The following CAST variants were observed in gnomAD, a reference collection of about 807,000 sequenced individuals.
CAST encodes the protein calpastatin.
CAST carries 76 observed loss-of-function variants against 119.6 expected under a neutral mutation model. That is an observed-to-expected ratio of 0.64 (90% CI 0.53 to 0.77). The LOEUF is 0.77. Ranked by LOEUF, CAST falls within the 30% of genes least tolerant of loss-of-function variation. The probability of loss-of-function intolerance (pLI) is 0.00; values close to 1 mark genes in which losing one functional copy is unlikely to be tolerated. For missense variants in CAST, 953 were observed against 946.5 expected, an observed-to-expected ratio of 1.01 and a Z score of -0.09; for synonymous variants, 319 against 331.6, an observed-to-expected ratio of 0.96 and a Z score of 0.41.
At chr5:96,614,414 C>T (rs908717785) in intron 1 of CAST, among the ~76,000 whole-genome samples, 3 of 152,176 alleles carry the variant, frequency 2.0e-5, no homozygotes, top group South Asian at 2.1e-4. Context: ...GACATGCCCA[C>T]GAGCTTCTCC....
chr5:96,248,280 G>A, the CAST span, among the ~76,000 whole-genome samples: 20 of 152,178 alleles, frequency 1.3e-4, no homozygotes, highest in Non-Finnish European at 2.1e-4. Flanking sequence ...TGTAAAGAGA[G>A]GGAAATCTCT....
the CAST span, among the ~76,000 whole-genome samples, chr5:96,192,938 C>G: frequency 1.0e-5 from 1 of 96,304 alleles, no homozygotes; most frequent in African/African-American, 4.2e-5. Context: ...TCGTAAGCCA[C>G]TGAGATTTTT....
In CAST at chr5:96,631,693, C is replaced by T. The variant is rs576419141; in HGVS notation, c.61-43846C>T. 3.7e-4 allele frequency among the ~76,000 whole-genome samples: 56 copies of T among 150,980 alleles called. 1 individual carries two copies. In the South Asian group the frequency reaches 6.8e-3, roughly 18 times the overall value. On this transcript the variant is annotated intron_variant, in intron 1 of 11. Transcript: ENST00000505143. The stretch of plus-strand genomic sequence containing the variant: ...GACCACAGGCGCCCGCCACCACGCC[C>T]GGATAATTTTTTGTATTTTTAGTAG...
At chr5:96,240,906 A>T in the CAST span, among the ~76,000 whole-genome samples, 4 of 152,218 alleles carry the variant, frequency 2.6e-5, no homozygotes, top group East Asian at 3.9e-4. Flanking sequence ...AAGGAAATGG[A>T]TAAAGTATAC....
chr5:96,058,635 C>T, the CAST span, among the ~76,000 whole-genome samples: 1 of 151,376 alleles, frequency 6.6e-6, no homozygotes, highest in Non-Finnish European at 1.5e-5. Flanking sequence ...AAGTAGCCAT[C>T]CAATGGTTAA....
the CAST span, among the ~76,000 whole-genome samples, chr5:96,106,255 C>T: frequency 6.6e-6 from 1 of 151,834 alleles, no homozygotes; most frequent in African/African-American, 2.4e-5. Context: ...TATTTCTTGC[C>T]TTCTGCTAGC....
At chr5:96,363,850 C>T in the CAST span, among the ~76,000 whole-genome samples, 3 of 152,114 alleles carry the variant, frequency 2.0e-5, no homozygotes, top group African/African-American at 7.2e-5. Flanking sequence ...ATTGCCCTGG[C>T]CAGAACTTCC....
the CAST span, among the ~76,000 whole-genome samples, chr5:96,314,751 G>A: frequency 6.6e-6 from 1 of 152,112 alleles, no homozygotes; most frequent in Non-Finnish European, 1.5e-5. Context: ...GTTGCTCTGT[G>A]ATAACCTGTT....
the CAST span, among the ~76,000 whole-genome samples, chr5:96,283,725 A>G: frequency 6.6e-6 from 1 of 152,214 alleles, no homozygotes; most frequent in African/African-American, 2.4e-5. Context: ...GTGGACCGGC[A>G]GAGCCCAGAA....
chr5:96,532,310 T>C (rs1484682764), intron 1 of CAST, among the ~76,000 whole-genome samples: 1 of 152,254 alleles, frequency 6.6e-6, no homozygotes, highest in Admixed American at 6.5e-5. Context: ...TGTCTTTGTT[T>C]GCACAAGATG....
chr5:96,613,266 GAT>G (rs1353537513), intron 1 of CAST, among the ~76,000 whole-genome samples: 9 of 152,198 alleles, frequency 5.9e-5, no homozygotes, highest in Non-Finnish European at 1.3e-4. Flanking sequence ...CATTAGAATA[GAT>G]GGATTTGAAG....
At chr5:96,642,934 T>C (rs915595413) in intron 1 of CAST, among the ~76,000 whole-genome samples, 1 of 152,168 alleles carries the variant, frequency 6.6e-6, no homozygotes, top group African/African-American at 2.4e-5. Context: ...AACACCCTTA[T>C]GAGGTAGGAA....
intron 1 of CAST, among the ~76,000 whole-genome samples, chr5:96,617,625 T>TA (rs772387369): frequency 8.9e-4 from 134 of 150,486 alleles, no homozygotes; most frequent in South Asian, 1.9e-3. Flanking sequence ...CCGTCTCTAC[T>TA]AAAAATACAA....
the CAST span, among the ~76,000 whole-genome samples, chr5:96,341,206 A>G: frequency 3.3e-5 from 5 of 152,098 alleles, no homozygotes; most frequent in African/African-American, 1.2e-4. Flanking sequence ...GTGTCTTCTT[A>G]TTTGTCCCCT....
chr5:96,042,086 A>G, the CAST span, among the ~76,000 whole-genome samples: 2 of 152,118 alleles, frequency 1.3e-5, no homozygotes, highest in African/African-American at 4.8e-5. Flanking sequence ...CTCTTATTTT[A>G]CCATCAGGAG....
chr5:96,077,679 C>A, the CAST span, among the ~76,000 whole-genome samples: 2 of 152,084 alleles, frequency 1.3e-5, no homozygotes, highest in Admixed American at 6.6e-5. Context: ...TTCCTTCTCC[C>A]TTTCCTGCTT....
At chr5:96,721,272 A>T (rs1472610281) in intron 3 of CAST, among the ~76,000 whole-genome samples, 1 of 152,068 alleles carries the variant, frequency 6.6e-6, no homozygotes, top group Non-Finnish European at 1.5e-5. Flanking sequence ...TGTTTATATG[A>T]TTATTTTTGA....
the CAST span, among the ~76,000 whole-genome samples, chr5:96,513,369 T>C: frequency 3.0e-4 from 46 of 152,232 alleles, no homozygotes; most frequent in African/African-American, 1.0e-3. Flanking sequence ...TTAAAATAAA[T>C]AGACAGATAG....
At chr5:96,369,764 G>A in the CAST span, among the ~76,000 whole-genome samples, 1 of 152,060 alleles carries the variant, frequency 6.6e-6, no homozygotes, top group African/African-American at 2.4e-5. Flanking sequence ...CTCCCCTCAA[G>A]TGACTCTTTG....
Sources: allele counts gnomAD v4.1 joint callset (sites outside exome capture counted in the v4.1 genomes callset), GRCh38; gene constraint gnomAD v4.1.1; transcripts MANE v1.5; gene names NCBI Gene and HGNC (gene_info 2026-07-23, HGNC 2026-07-21).